KCNH5: variants seen among roughly 807,000 people sequenced by gnomAD.
The protein encoded by KCNH5 is voltage-gated delayed rectifier potassium channel KCNH5.
KCNH5 carries 46 observed loss-of-function variants against 96.1 expected under a neutral mutation model. The observed-to-expected ratio is 0.48, with a 90% CI of 0.38 to 0.61. KCNH5 has a LOEUF of 0.61. Ranked by LOEUF, KCNH5 falls within the 20% of genes least tolerant of loss-of-function variation. KCNH5 has a pLI of 0.00. For synonymous variants in KCNH5, 439 were observed against 449.8 expected, an observed-to-expected ratio of 0.98 and a Z score of 0.30; for missense variants, 907 against 1,225.8, an observed-to-expected ratio of 0.74 and a Z score of 3.88.
intron 1 of KCNH5, among the ~76,000 whole-genome samples, chr14:63,019,143 T>C (rs1223579255): frequency 6.6e-6 from 1 of 151,476 alleles, no homozygotes; most frequent in South Asian, 2.1e-4. Flanking sequence ...GACGATATGA[T>C]AGCTAAAATT....
intron 10 of KCNH5, among the ~76,000 whole-genome samples, chr14:62,736,616 G>C (rs1404227702): frequency 1.3e-5 from 2 of 151,878 alleles, no homozygotes; most frequent in Admixed American, 6.6e-5. Flanking sequence ...AGATAAACTT[G>C]CCTCCTCCCA....
At position 62,827,604 on chromosome 14, in the gene KCNH5, T is replaced by C. The variant is rs529625096; in HGVS notation, c.1569+22049A>G. ...GATCTAAAAAATGTTGCTCTATTGT[T>C]GTTTTGTTGTATATATTACTATCAA... is the stretch of plus-strand genomic sequence containing the variant. On this transcript the variant is annotated intron_variant, in intron 8 of 10. Transcript: ENST00000322893. Among the ~76,000 whole-genome samples the C allele has an allele frequency of 2.0e-5, 3 of 152,316 alleles. No homozygotes were observed. In the East Asian group the frequency reaches 5.8e-4, roughly 29 times the overall value.
chr14:62,792,063 G>A (rs965538075), intron 9 of KCNH5, among the ~76,000 whole-genome samples: 1 of 151,318 alleles, frequency 6.6e-6, no homozygotes, highest in Non-Finnish European at 1.5e-5. Flanking sequence ...CTTCAACTAT[G>A]TACAAACTGC....
chr14:62,799,726 T>TACACACAC lies in KCNH5; in HGVS notation c.1822+2595_1822+2602dup, dbSNP rs67691300. Reference sequence around the variant, plus strand: ...ATATATATATATATATATATATATATACACACACACACACACACATATCAG... The same window carrying TACACACAC: ...ATATATATATATATATATATATATATACACACACACACACACACACACACACATATCAG... On this transcript the variant is annotated intron_variant, in intron 9 of 10. Coordinates refer to ENST00000322893, the MANE Select transcript of KCNH5 (RefSeq NM_139318.5). Among the ~76,000 whole-genome samples the TACACACAC allele has an allele frequency of 2.6e-3, 178 of 68,638 alleles. 2 individuals are homozygous for TACACACAC. In the South Asian group the frequency reaches 0.028, roughly 11 times the overall value. The allele number at this position is 68,638 out of a possible 152,430, so 45.0% of individuals were successfully genotyped here.
intron 6 of KCNH5, among the ~76,000 whole-genome samples, chr14:62,964,094 T>C (rs1014073896): frequency 6.6e-6 from 1 of 152,040 alleles, no homozygotes; most frequent in Non-Finnish European, 1.5e-5. Context: ...CCATTTTCTT[T>C]TTCCTCACTT....
intron 8 of KCNH5, among the ~76,000 whole-genome samples, chr14:62,833,388 A>G (rs949125687): frequency 6.6e-6 from 1 of 152,052 alleles, no homozygotes; most frequent in Non-Finnish European, 1.5e-5. Flanking sequence ...CCATTTATTT[A>G]AGAGGCTATC....
Position 62,892,375 on chromosome 14 carries a change from G to T in KCNH5, c.1370-42523C>A, listed in dbSNP as rs550532608. ...CCCAATTGTATGAAGGCTGAAAGAG[G>T]TAAGGAAGCTGCAGAAGTTGCAAGC... On this transcript the variant is annotated intron_variant, in intron 7 of 10. Transcript: ENST00000322893. Among the ~76,000 whole-genome samples the T allele has an allele frequency of 9.2e-5, 14 of 152,324 alleles. No individual in the cohort carries two copies. The South Asian group carries it at 2.7e-3, about 29-fold the overall frequency.
intron 7 of KCNH5, among the ~76,000 whole-genome samples, chr14:62,866,077 C>T (rs1346276083): frequency 1.3e-5 from 2 of 152,154 alleles, no homozygotes; most frequent in Admixed American, 1.3e-4. Flanking sequence ...ATATATTACT[C>T]TACTTATTAT....
At chr14:62,884,823 T>C (rs1048121211) in intron 7 of KCNH5, among the ~76,000 whole-genome samples, 4 of 152,216 alleles carry the variant, frequency 2.6e-5, no homozygotes, top group African/African-American at 2.4e-5. Flanking sequence ...AATTAGTGCA[T>C]ATTCAAAGTT....
intron 7 of KCNH5, among the ~76,000 whole-genome samples, chr14:62,880,085 T>C (rs549329565): frequency 6.6e-6 from 1 of 152,314 alleles, no homozygotes; most frequent in Admixed American, 6.5e-5. Context: ...AGTGAAGTTT[T>C]GGATGGTGAC....
intron 8 of KCNH5, among the ~76,000 whole-genome samples, chr14:62,817,256 T>C (rs964215216): frequency 2.9e-5 from 4 of 136,354 alleles, no homozygotes; most frequent in African/African-American, 5.4e-5. Flanking sequence ...ATATCATATA[T>C]ATATAATATA....
rs2139892588 is a variant in KCNH5, at chr14:62,700,129, A to T, written c.*7379T>A. 1 of 152,222 alleles carries T rather than the reference A, an allele frequency of 6.6e-6. No homozygotes were observed. The highest frequency in any genetic ancestry group is 1.9e-4 in the East Asian group (1 of 5,206). 9.4% of individuals were successfully genotyped at this position (152,222 alleles called of 1,614,324 possible). ...TACATTGTAGTATACAAAATGCCAC[A>T]ACTAGTGTAAACAAAGTCACTAGAA... On this transcript the variant is annotated 3_prime_UTR_variant, in exon 11 of 11. Coordinates refer to ENST00000322893, the MANE Select transcript of KCNH5 (RefSeq NM_139318.5).
At chr14:62,902,206 G>T (rs909164745) in intron 7 of KCNH5, among the ~76,000 whole-genome samples, 3 of 134,836 alleles carry the variant, frequency 2.2e-5, no homozygotes, top group African/African-American at 8.2e-5. Flanking sequence ...TGCATAACCT[G>T]TTTAGTTTCA....
At chr14:62,872,526 T>A (rs1888277324) in intron 7 of KCNH5, among the ~76,000 whole-genome samples, 1 of 151,886 alleles carries the variant, frequency 6.6e-6, no homozygotes, top group South Asian at 2.1e-4. Context: ...TCATCTCTAC[T>A]AAAAAGACCA....
At chr14:62,952,870 G>T (rs1213139726) in intron 6 of KCNH5, among the ~76,000 whole-genome samples, 4 of 151,976 alleles carry the variant, frequency 2.6e-5, no homozygotes, top group Admixed American at 6.6e-5. Flanking sequence ...GCCTGCTCTG[G>T]ATTCTGCTTA....
intron 3 of KCNH5, among the ~76,000 whole-genome samples, chr14:63,004,227 C>T (rs1329090624): frequency 6.6e-6 from 1 of 152,176 alleles, no homozygotes; most frequent in Non-Finnish European, 1.5e-5. Flanking sequence ...TGTTCAAAAC[C>T]TTTCAGCTAT....
At position 62,821,399 on chromosome 14, in the gene KCNH5, C is replaced by T. The variant is rs190030148; in HGVS notation, c.1570-18818G>A. On this transcript the variant is annotated intron_variant, in intron 8 of 10. Transcript: ENST00000322893. ...TAAAATGCTAGGAACCAAAAATTAG[C>T]AAACTTTTCTTATTTGCATGAGCCC... Among the ~76,000 whole-genome samples, 189 of 152,106 alleles carry T rather than the reference C, an allele frequency of 1.2e-3. 1 individual carries two copies. Among genetic ancestry groups the T allele is most frequent in the Admixed American group, 2.2e-3 (33 of 15,264 alleles).
chr14:62,986,320 G>A (rs1890706964), intron 5 of KCNH5, among the ~76,000 whole-genome samples: 1 of 152,132 alleles, frequency 6.6e-6, no homozygotes, highest in African/African-American at 2.4e-5. Context: ...ACCTCCCTTT[G>A]AGAGGTTTTT....
chr14:62,758,338 G>A (rs917942094), intron 10 of KCNH5, among the ~76,000 whole-genome samples: 1 of 151,870 alleles, frequency 6.6e-6, no homozygotes, highest in Non-Finnish European at 1.5e-5. Flanking sequence ...ATTATACATT[G>A]TATGCCTGTA....
Sources: allele counts gnomAD v4.1 joint callset (sites outside exome capture counted in the v4.1 genomes callset), GRCh38; gene constraint gnomAD v4.1.1; transcripts MANE v1.5; gene names NCBI Gene and HGNC (gene_info 2026-07-23, HGNC 2026-07-21).